PLEKHA4: variants seen among roughly 807,000 people sequenced by gnomAD.
PLEKHA4 encodes the protein pleckstrin homology domain containing A4.
A neutral mutation model predicts 94.7 loss-of-function variants in PLEKHA4; 73 were observed. That is an observed-to-expected ratio of 0.77 (90% CI 0.64 to 0.94). The LOEUF (loss-of-function observed/expected upper bound fraction) is 0.94, where lower values mean the gene tolerates loss of function less well. Ranked by LOEUF, PLEKHA4 falls within the 40% of genes least tolerant of loss-of-function variation. The pLI is 0.00. For synonymous variants in PLEKHA4, 449 were observed against 437.1 expected, an observed-to-expected ratio of 1.03 and a Z score of -0.34; for missense variants, 1,049 against 1,054.1, an observed-to-expected ratio of 1.00 and a Z score of 0.07.
At position 48,847,751 on chromosome 19, in the gene PLEKHA4, A is replaced by T. The variant is rs184411275; in HGVS notation, c.1566+149T>A. On this transcript the variant is annotated intron_variant, in intron 14 of 19. Coordinates refer to ENST00000263265, the MANE Select transcript of PLEKHA4 (RefSeq NM_020904.3). ...CGTCTCAAAAAAACCCCCGAAAAAA[A>T]AGAAAACAAAGGCTTCCAGAGGTTA... 4.1e-4 allele frequency: 383 copies of T among 942,652 alleles called. No homozygotes were observed. In the African/African-American group the frequency reaches 5.9e-3, roughly 14 times the overall value. 58.4% of individuals were successfully genotyped at this position (942,652 alleles called of 1,614,324 possible).
At position 48,837,332 on chromosome 19, in the gene PLEKHA4, C is replaced by A. The variant is rs753451460; in HGVS notation, c.2297G>T (p.Gly766Val). The A allele has an allele frequency of 1.2e-6, 2 of 1,613,928 alleles. No individual in the cohort carries two copies. Among genetic ancestry groups the A allele is most frequent in the Non-Finnish European group, 8.5e-7 (1 of 1,180,018 alleles). ...IAPPVLPQDE[G>V]AWPLRVTLLQ... Reference sequence around the variant, plus strand: ...CAGAGTGACTCGCAGAGGCCATGCCCCCTCGTCTTGTGGCAGGACCGGAGG... The same window carrying A: ...CAGAGTGACTCGCAGAGGCCATGCCACCTCGTCTTGTGGCAGGACCGGAGG... The change falls in exon 20 of 20, where the codon GGG (glycine) becomes GTG (valine). Residue 766 changes from glycine to valine, a missense_variant. Transcript: ENST00000263265. The surrounding 1 kb of genome is among the most constrained non-coding windows in gnomAD (Gnocchi z 4.3).
rs1321440139 is a variant in PLEKHA4 at position 48,837,791 on chromosome 19, G to A, written c.2077+226C>T. On this transcript the variant is annotated intron_variant, in intron 19 of 19. Transcript: ENST00000263265. The surrounding 1 kb of genome is among the most constrained non-coding windows in gnomAD (Gnocchi z 4.3). ...AGTCCTCTTTGAGACTCAGTTGTCG[G>A]CCCTCTCCCCGCCCCCTGACCTCTT... Among the ~76,000 whole-genome samples, 1 of 151,124 alleles carries A rather than the reference G, an allele frequency of 6.6e-6. No individual in the cohort carries two copies.
intron 3 of PLEKHA4, among the ~76,000 whole-genome samples, chr19:48,863,824 G>A (rs1568555457): frequency 2.0e-5 from 3 of 152,030 alleles, no homozygotes; most frequent in South Asian, 4.1e-4. Flanking sequence ...CACCTGCCTC[G>A]ACCTCCCGAA....
chr19:48,855,473 G>A (rs568979158), intron 9 of PLEKHA4, among the ~76,000 whole-genome samples: 3 of 151,978 alleles, frequency 2.0e-5, no homozygotes, highest in East Asian at 1.9e-4. Context: ...GCGTAGTGAC[G>A]GGCGCCTGTA....
chr19:48,857,482 G>T lies in PLEKHA4; in HGVS notation c.987C>A (p.Ser329=). ...QEPRTQAHSG[S]PTYLQLPPRP... is the part of the protein sequence containing the mutation. ...GCGGGGGGAGCTGGAGATAAGTGGG[G>T]GAGCCAGAGTGTGCCTGGGAGGAAC... Residue 329 remains serine (S), a synonymous_variant, in exon 9 of 20, where the codon TCC becomes TCA. Transcript: ENST00000263265. The T allele has an allele frequency of 6.4e-7, 1 of 1,561,430 alleles. No homozygotes were observed. Among genetic ancestry groups the T allele is most frequent in the Non-Finnish European group, 8.7e-7 (1 of 1,152,528 alleles).
chr19:48,838,002 T>G lies in PLEKHA4; in HGVS notation c.2077+15A>C. On this transcript the variant is annotated intron_variant, in intron 19 of 19. Transcript: ENST00000263265. Reference sequence around the variant, plus strand: ...CTCCCTAAAACCCAGAAGTCCAACATCCCCAGCCAGTCACCTGTCATCATT... The same window carrying G: ...CTCCCTAAAACCCAGAAGTCCAACAGCCCCAGCCAGTCACCTGTCATCATT... The G allele has an allele frequency of 6.3e-7, 1 of 1,595,560 alleles. No individual in the cohort carries two copies. Among genetic ancestry groups the G allele is most frequent in the Admixed American group, 1.7e-5 (1 of 59,698 alleles).
intron 13 of PLEKHA4, among the ~76,000 whole-genome samples, chr19:48,851,476 C>T (rs1028832840): frequency 7.3e-5 from 11 of 151,206 alleles, no homozygotes; most frequent in African/African-American, 2.2e-4. Context: ...ATTAGCTGGG[C>T]GTGGTGGCGG....
At chr19:48,859,343 T>G (rs2036548926) in intron 7 of PLEKHA4, 126 bp downstream of exon 7, 2 of 1,056,994 alleles carry the variant, frequency 1.9e-6, no homozygotes, top group Admixed American at 2.5e-5. Context: ...CGACAGGCTG[T>G]GACCCCCACG....
intron 8 of PLEKHA4, among the ~76,000 whole-genome samples, chr19:48,858,481 G>A (rs910686715): frequency 3.3e-5 from 5 of 151,894 alleles, no homozygotes; most frequent in African/African-American, 1.2e-4. Context: ...ATAAAAATCA[G>A]CCGGACGTGG....
intron 18 of PLEKHA4, 44 bp downstream of exon 18, chr19:48,839,161 A>G: frequency 1.3e-6 from 2 of 1,500,416 alleles, no homozygotes; most frequent in Non-Finnish European, 1.8e-6. Flanking sequence ...TGCTTTTGCA[A>G]ATTTTTTTTT....
At chr19:48,849,600 C>T (rs540513044) in intron 13 of PLEKHA4, among the ~76,000 whole-genome samples, 3 of 152,320 alleles carry the variant, frequency 2.0e-5, no homozygotes, top group East Asian at 3.9e-4. Context: ...TGAGCCAACA[C>T]GCCCGGCCGT....
chr19:48,839,964 A>T (rs1385264276), intron 17 of PLEKHA4, among the ~76,000 whole-genome samples: 1 of 151,252 alleles, frequency 6.6e-6, no homozygotes, highest in Admixed American at 6.6e-5. Context: ...AAAAATTAGC[A>T]GGGTGTGGTG....
chr19:48,859,622 G>A lies in PLEKHA4; in HGVS notation c.539C>T (p.Pro180Leu). The change falls in exon 7 of 20, where the codon CCC becomes CTC. Residue 180 changes from proline to leucine, a missense_variant. Physicochemically the swap from Pro to Leu is moderately conservative, Grantham distance 98 (BLOSUM62 -3). Coordinates refer to ENST00000263265, the MANE Select transcript of PLEKHA4 (RefSeq NM_020904.3). ...PGEGPGGPGGPPEVSRGEEGR... is the reference protein window; with the variant it reads ...PGEGPGGPGGLPEVSRGEEGR... ...CTCTTCCCCTCTGCTCACCTCCGGGGGACCACCGGGGCCGCCGGGGCCCTC... is the reference window on the plus strand; with the variant it reads ...CTCTTCCCCTCTGCTCACCTCCGGGAGACCACCGGGGCCGCCGGGGCCCTC... 6.2e-7 allele frequency: 1 copy of A among 1,612,966 alleles called. No homozygotes were observed. Among genetic ancestry groups the A allele is most frequent in the Non-Finnish European group, 8.5e-7 (1 of 1,179,976 alleles).
At chr19:48,845,978 T>A (rs1203171029) in intron 14 of PLEKHA4, among the ~76,000 whole-genome samples, 1 of 131,702 alleles carries the variant, frequency 7.6e-6, no homozygotes, top group African/African-American at 3.0e-5. Context: ...ACCACTGCAC[T>A]CCAGCCTGGG....
intron 8 of PLEKHA4, among the ~76,000 whole-genome samples, chr19:48,858,359 C>A (rs762320064): frequency 6.6e-6 from 1 of 152,102 alleles, no homozygotes; most frequent in African/African-American, 2.4e-5. Context: ...CGGTGGCTCA[C>A]GCCTGTAATC....
Position 48,867,440 on chromosome 19 carries a change from G to C in PLEKHA4, c.84+97C>G. Reference sequence around the variant, plus strand: ...TATGTCTGGCAGACCCCGTTGCTAAGGATCTTTGTCCTTAACAACCAGAGT... The same window carrying C: ...TATGTCTGGCAGACCCCGTTGCTAACGATCTTTGTCCTTAACAACCAGAGT... On this transcript the variant is annotated intron_variant, in intron 2 of 19. Transcript: ENST00000263265. The surrounding 1 kb of genome is among the most constrained non-coding windows in gnomAD (Gnocchi z 4.7). 1.4e-6 allele frequency: 2 copies of C among 1,393,872 alleles called. No homozygotes were observed. The highest frequency in any genetic ancestry group is 2.5e-5 in the South Asian group (2 of 78,684). The allele number at this position is 1,393,872 out of a possible 1,614,324, so 86.3% of individuals were successfully genotyped here. A position where few individuals can be genotyped will look rare whatever the true frequency, so the allele number is the denominator to read the frequency against.
At chr19:48,839,798 T>C (rs925227341) in intron 17 of PLEKHA4, among the ~76,000 whole-genome samples, 8 of 151,976 alleles carry the variant, frequency 5.3e-5, no homozygotes, top group African/African-American at 1.9e-4. Flanking sequence ...GTCTAAATCC[T>C]TTCTATAAAA....
chr19:48,838,843 A>T (rs762656854), intron 18 of PLEKHA4, among the ~76,000 whole-genome samples: 1 of 152,016 alleles, frequency 6.6e-6, no homozygotes, highest in Non-Finnish European at 1.5e-5. Context: ...CGGGTACCGC[A>T]CGTGCCTTTC....
chr19:48,854,803 G>T (rs538726612), intron 9 of PLEKHA4, among the ~76,000 whole-genome samples: 2 of 146,674 alleles, frequency 1.4e-5, no homozygotes, highest in East Asian at 2.0e-4. Flanking sequence ...AGGCTCAAAG[G>T]ATCCTCCCAC....
Sources: gnomAD v4.1 joint callset for allele counts (sites outside exome capture counted in the v4.1 genomes callset) on GRCh38, gnomAD v4.1.1 for gene constraint, Gnocchi (gnomAD v3.1) non-coding constraint, MANE v1.5 for transcripts, NCBI Gene and HGNC (gene_info 2026-07-23, HGNC 2026-07-21) for gene names.